The following METAP2 variants were observed in gnomAD, a reference collection of about 807,000 sequenced individuals.
METAP2 encodes methionine aminopeptidase 2.
In METAP2, 25 loss-of-function variants were observed where a neutral mutation model predicts 59.4. That is an observed-to-expected ratio of 0.42 (90% CI 0.31 to 0.59). The LOEUF (loss-of-function observed/expected upper bound fraction) is 0.59, where lower values mean the gene tolerates loss of function less well. METAP2 is among the 20% of genes least tolerant of loss of function. The probability of loss-of-function intolerance (pLI) is 0.16; values close to 1 mark genes in which losing one functional copy is unlikely to be tolerated. For missense variants in METAP2, 366 were observed against 581.2 expected (o/e 0.63, Z 3.81); for synonymous variants, 214 against 194.1 (o/e 1.10, Z -0.85).
At chr12:95,491,134 A>G (rs943852861) in intron 4 of METAP2, among the ~76,000 whole-genome samples, 11 of 150,770 alleles carry the variant, frequency 7.3e-5, no homozygotes, top group African/African-American at 2.0e-4. Context: ...GCAGTTTCCA[A>G]GTAATCTGTG....
At chr12:95,513,410 A>G (rs1261655824) in intron 10 of METAP2, among the ~76,000 whole-genome samples, 1 of 152,172 alleles carries the variant, frequency 6.6e-6, no homozygotes, top group Non-Finnish European at 1.5e-5. Context: ...ACACACGCAC[A>G]CGCGCGCGCA....
intron 7 of METAP2, among the ~76,000 whole-genome samples, chr12:95,501,853 A>G (rs1240644824): frequency 1.3e-5 from 2 of 151,834 alleles, no homozygotes; most frequent in African/African-American, 4.8e-5. Context: ...TTTTAAAAAA[A>G]TTCATATGGC....
chr12:95,506,795 C>CTTCTTTAT (rs142865586), intron 8 of METAP2, among the ~76,000 whole-genome samples: 8 of 147,334 alleles, frequency 5.4e-5, no homozygotes, highest in African/African-American at 2.0e-4. Context: ...AAGCAGAATA[C>CTTCTTTAT]TTATTTATTT....
At chr12:95,474,370 CG>C (rs1193173582) in intron 1 of METAP2, 40 bp downstream of exon 1, 5 of 1,604,654 alleles carry the variant, frequency 3.1e-6, no homozygotes, top group Non-Finnish European at 3.4e-6. Context: ...CCTCCGGGAA[CG>C]GCTGAACTGT....
Position 95,514,109 on chromosome 12 carries a change from T to C in METAP2, c.*205T>C, listed in dbSNP as rs893938943. On this transcript the variant is annotated 3_prime_UTR_variant, in exon 11 of 11. Transcript: ENST00000323666. The stretch of plus-strand genomic sequence containing the variant: ...AAAAGCTTTCCGGACTTTTAAATGC[T>C]AACTGTTTTTCCCCTTCCTGTCTAG... 3.7e-6 allele frequency: 2 copies of C among 543,030 alleles called. No individual in the cohort carries two copies. Among genetic ancestry groups the C allele is most frequent in the Non-Finnish European group, 6.1e-6 (2 of 326,118 alleles). The allele number at this position is 543,030 out of a possible 1,614,324, so 33.6% of individuals were successfully genotyped here.
chr12:95,505,072 A>G (rs927437333), intron 8 of METAP2, among the ~76,000 whole-genome samples: 1 of 152,070 alleles, frequency 6.6e-6, no homozygotes, highest in Non-Finnish European at 1.5e-5. Flanking sequence ...TAACTTCCTT[A>G]TAGACTATTT....
intron 1 of METAP2, among the ~76,000 whole-genome samples, chr12:95,475,371 G>C (rs1277280231): frequency 6.6e-6 from 1 of 152,120 alleles, no homozygotes; most frequent in African/African-American, 2.4e-5. Flanking sequence ...GGCTGTTCCT[G>C]GATTTCGAGT....
chr12:95,513,379 C>G (rs2076419043), intron 10 of METAP2, among the ~76,000 whole-genome samples: 1 of 152,072 alleles, frequency 6.6e-6, no homozygotes, highest in Non-Finnish European at 1.5e-5. Context: ...TAGTAGGTCT[C>G]TAGTGGGGAA....
At position 95,474,252 on chromosome 12, in the gene METAP2, GA is replaced by G; in HGVS notation, c.75del (p.Gly26GlufsTer42). 6.2e-7 allele frequency: 1 copy of G among 1,614,250 alleles called. No individual in the cohort carries two copies. Among genetic ancestry groups the G allele is most frequent in the Non-Finnish European group, 8.5e-7 (1 of 1,180,036 alleles). Reference protein sequence around the residue: ...NGDLDPDDREEGAASTAEEAA... With the variant: ...NGDLDPDDREXGAASTAEEAA... ...CGACCTGGATCCAGACGACAGGGAA[GA>G]AGGAGCTGCCTCTACGGCTGAGGAA... On this transcript the variant is annotated frameshift_variant, in exon 1 of 11. Coordinates refer to ENST00000323666, the MANE Select transcript of METAP2 (RefSeq NM_006838.4). LOFTEE classifies it high-confidence loss of function.
Position 95,474,223 on chromosome 12 carries a change from A to G in METAP2, c.44A>G (p.Asn15Ser). Residue 15 changes from asparagine to serine, a missense_variant, in exon 1 of 11, where the codon AAT becomes AGT. Around this residue, in one of 4 missense-constraint regions of METAP2, gnomAD observed 177 missense variants for 180.3 expected, o/e 0.98. Transcript: ENST00000323666. ...EEVAASGSHL[N>S]GDLDPDDREE... ...GTAGCGGCCTCCGGGAGCCACCTGA[A>G]TGGCGACCTGGATCCAGACGACAGG... 1 of 1,614,196 alleles carries G rather than the reference A, an allele frequency of 6.2e-7. No individual in the cohort carries two copies. Among genetic ancestry groups the G allele is most frequent in the African/African-American group, 1.3e-5 (1 of 75,078 alleles).
intron 7 of METAP2, among the ~76,000 whole-genome samples, chr12:95,500,704 T>C (rs1023268151): frequency 2.6e-5 from 4 of 152,230 alleles, no homozygotes; most frequent in African/African-American, 9.6e-5. Flanking sequence ...TTTTCTTATG[T>C]TGAACCATCT....
chr12:95,487,809 C>A (rs2076208621), intron 4 of METAP2, among the ~76,000 whole-genome samples: 1 of 152,086 alleles, frequency 6.6e-6, no homozygotes, highest in Non-Finnish European at 1.5e-5. Flanking sequence ...CTTGGAAGTT[C>A]CTCCAAGTCA....
At position 95,483,294 on chromosome 12, in the gene METAP2, G is replaced by T; in HGVS notation, c.325+14G>T. 2 of 1,581,602 alleles carry T rather than the reference G, an allele frequency of 1.3e-6. No individual in the cohort carries two copies. Among genetic ancestry groups the T allele is most frequent in the South Asian group, 2.2e-5 (2 of 90,314 alleles). The stretch of plus-strand genomic sequence containing the variant: ...AGAAGAGAGGACGTTAGTGTCTTAA[G>T]TTAATGTTAATTGATATATTAGAAG... On this transcript the variant is annotated intron_variant, in intron 3 of 10. Transcript: ENST00000323666.
In METAP2 at chr12:95,512,926, G is replaced by A. The variant is rs199541160; in HGVS notation, c.1184+10G>A. The A allele has an allele frequency of 4.7e-6, 7 of 1,491,124 alleles. No individual in the cohort carries two copies. The highest frequency in any genetic ancestry group is 2.3e-5 in the South Asian group (2 of 86,996). The allele number at this position is 1,491,124 out of a possible 1,614,324, so 92.4% of individuals were successfully genotyped here. Reference sequence around the variant, plus strand: ...GACATGTGCCAATAAGGTGAGAGACGAGACGATTGATTTTATGTGGCTAAT... The same window carrying A: ...GACATGTGCCAATAAGGTGAGAGACAAGACGATTGATTTTATGTGGCTAAT... On this transcript the variant is annotated intron_variant, in intron 10 of 10. Coordinates refer to ENST00000323666, the MANE Select transcript of METAP2 (RefSeq NM_006838.4).
intron 7 of METAP2, among the ~76,000 whole-genome samples, chr12:95,503,723 C>T (rs778694879): frequency 3.3e-4 from 50 of 152,182 alleles, no homozygotes; most frequent in Non-Finnish European, 6.3e-4. Flanking sequence ...CGGTATGTAG[C>T]AGTGCTGCTA....
At position 95,494,992 on chromosome 12, in the gene METAP2, AAG is replaced by A; in HGVS notation, c.630_631del (p.Asn211TrpfsTer16). On this transcript the variant is annotated frameshift_variant, in exon 6 of 11. Transcript: ENST00000323666. LOFTEE classifies it high-confidence loss of function. ...GAAGACTGTTCACGCAAGTTAATAA[AAG>A]AGAATGGATTAAATGCAGGCCTGGC... The A allele has an allele frequency of 6.2e-7, 1 of 1,613,624 alleles. No homozygotes were observed. Among genetic ancestry groups the A allele is most frequent in the Non-Finnish European group, 8.5e-7 (1 of 1,179,730 alleles).
At chr12:95,489,097 G>C (rs2076219158) in intron 4 of METAP2, among the ~76,000 whole-genome samples, 1 of 151,968 alleles carries the variant, frequency 6.6e-6, no homozygotes, top group South Asian at 2.1e-4. Context: ...GTTTTTGTTA[G>C]TGATGTGAAT....
rs576958828 is a variant in METAP2 at position 95,507,215 on chromosome 12, G to A, written c.964+3054G>A. 3.3e-5 allele frequency among the ~76,000 whole-genome samples: 5 copies of A among 152,284 alleles called. No individual in the cohort carries two copies. In the East Asian group the frequency reaches 9.6e-4, roughly 29 times the overall value. ...GTTTCTTGACTGTAGTAGGGTTAATGGTATCTAGTTTATTTTGAGAAATGT... is the reference window on the plus strand; with the variant it reads ...GTTTCTTGACTGTAGTAGGGTTAATAGTATCTAGTTTATTTTGAGAAATGT... On this transcript the variant is annotated intron_variant, in intron 8 of 10. Transcript: ENST00000323666.
chr12:95,475,095 A>G (rs2076108417), intron 1 of METAP2, among the ~76,000 whole-genome samples: 1 of 152,156 alleles, frequency 6.6e-6, no homozygotes, highest in Non-Finnish European at 1.5e-5. Context: ...TTACAGTTGG[A>G]TATTATGAAC....
Sources: gnomAD v4.1 joint callset for allele counts (sites outside exome capture counted in the v4.1 genomes callset) on GRCh38, gnomAD v4.1.1 for gene constraint, gnomAD v4.1.1 regional missense constraint, MANE v1.5 for transcripts, NCBI Gene and HGNC (gene_info 2026-07-23, HGNC 2026-07-21) for gene names.